CHD9: variants seen among roughly 807,000 people sequenced by gnomAD.
CHD9 encodes the protein chromodomain helicase DNA binding protein 9.
Under a neutral mutation model 316.1 loss-of-function variants are expected in CHD9, and 77 were observed. The observed-to-expected ratio is 0.24, with a 90% confidence interval of 0.20 to 0.29. CHD9 has a LOEUF of 0.29. Among genes scored for constraint, CHD9 ranks in the 10% least tolerant of loss-of-function variants. CHD9 has a pLI of 1.00. For synonymous variants in CHD9, 1,129 were observed against 1,158.3 expected, an observed-to-expected ratio of 0.97 and a Z score of 0.51; for missense variants, 2,763 against 3,438.1, an observed-to-expected ratio of 0.80 and a Z score of 4.91.
chr16:53,307,062 G>A (rs1011509606), intron 32 of CHD9, among the ~76,000 whole-genome samples: 1 of 152,100 alleles, frequency 6.6e-6, no homozygotes, highest in African/African-American at 2.4e-5. Context: ...TTACAGGTGT[G>A]AGCCAGTGCA....
chr16:53,282,385 C>A (rs963745606), intron 24 of CHD9, among the ~76,000 whole-genome samples: 1 of 152,150 alleles, frequency 6.6e-6, no homozygotes, highest in African/African-American at 2.4e-5. Flanking sequence ...GCAAGTGGAT[C>A]AGTTGAGCCC....
rs2056109282 is a variant in CHD9 at position 53,307,702 on chromosome 16, T to C, written c.6802T>C (p.Leu2268=). Residue 2268 remains leucine (L), a synonymous_variant, in exon 33 of 39, where the codon TTG becomes CTG. Coordinates refer to ENST00000447540, the MANE Select transcript of CHD9 (RefSeq NM_001308319.2). Reference sequence around the variant, plus strand: ...CTAGGATCGTGTGATGATCAATAGGTTGGACAGTATTTGTCAAACAGTTCT... The same window carrying C: ...CTAGGATCGTGTGATGATCAATAGGCTGGACAGTATTTGTCAAACAGTTCT... ...WPKDRVMINR[L]DSICQTVLKG... 6.2e-7 allele frequency: 1 copy of C among 1,609,956 alleles called. No individual in the cohort carries two copies. The highest frequency in any genetic ancestry group is 2.2e-5 in the East Asian group (1 of 44,790).
intron 18 of CHD9, among the ~76,000 whole-genome samples, chr16:53,255,268 C>T (rs986401146): frequency 2.0e-5 from 3 of 151,882 alleles, no homozygotes; most frequent in African/African-American, 7.3e-5. Flanking sequence ...GTGTTTACAC[C>T]ACTGCACTCT....
At chr16:53,108,555 G>GATAA (rs1359519675) in intron 1 of CHD9, among the ~76,000 whole-genome samples, 5 of 146,944 alleles carry the variant, frequency 3.4e-5, no homozygotes, top group Admixed American at 2.0e-4. Context: ...TAGATAGATA[G>GATAA]ATAGATGCAG....
intron 1 of CHD9, among the ~76,000 whole-genome samples, chr16:53,070,159 G>T (rs905482511): frequency 5.9e-5 from 9 of 151,976 alleles, no homozygotes; most frequent in African/African-American, 2.2e-4. Flanking sequence ...TTGGGTATCA[G>T]TCCCTTACCA....
chr16:53,109,493 CA>C (rs1208109964), intron 1 of CHD9, among the ~76,000 whole-genome samples: 4 of 149,862 alleles, frequency 2.7e-5, no homozygotes, highest in East Asian at 2.0e-4. Context: ...CCACCATGCC[CA>C]GGCTAATTTT....
intron 1 of CHD9, among the ~76,000 whole-genome samples, chr16:53,055,687 G>A (rs933504951): frequency 3.9e-5 from 6 of 152,130 alleles, no homozygotes; most frequent in African/African-American, 1.4e-4. Flanking sequence ...TATTCCTCCA[G>A]TTCGCCCTCC....
intron 1 of CHD9, among the ~76,000 whole-genome samples, chr16:53,103,910 A>C (rs2037101579): frequency 6.6e-6 from 1 of 152,188 alleles, no homozygotes. Context: ...TTGTATATGA[A>C]AAGGGCTGAG....
chr16:53,059,883 T>G (rs1018656055), intron 1 of CHD9, among the ~76,000 whole-genome samples: 20 of 152,198 alleles, frequency 1.3e-4, no homozygotes, highest in Non-Finnish European at 1.5e-5. Flanking sequence ...CTTGTAATGT[T>G]GATGAGAAAC....
chr16:53,092,202 T>C (rs1324907574), intron 1 of CHD9, among the ~76,000 whole-genome samples: 1 of 152,230 alleles, frequency 6.6e-6, no homozygotes, highest in Non-Finnish European at 1.5e-5. Flanking sequence ...AGCCAAGCCC[T>C]GGAGAGCTGC....
At chr16:53,316,202 C>G (rs991655536) in intron 36 of CHD9, among the ~76,000 whole-genome samples, 5 of 152,154 alleles carry the variant, frequency 3.3e-5, no homozygotes, top group Admixed American at 3.3e-4. Flanking sequence ...GTGTGAGCCA[C>G]CACACCTGGC....
intron 38 of CHD9, among the ~76,000 whole-genome samples, chr16:53,322,075 G>A (rs2057311022): frequency 6.7e-6 from 1 of 148,414 alleles, no homozygotes; most frequent in Admixed American, 6.8e-5. Flanking sequence ...TTGGCTCACT[G>A]CAACCTTCGC....
chr16:53,073,714 A>G (rs1047142797), intron 1 of CHD9, among the ~76,000 whole-genome samples: 1 of 152,194 alleles, frequency 6.6e-6, no homozygotes, highest in African/African-American at 2.4e-5. Context: ...TTGCTTTTGC[A>G]TCTTTCTCAT....
intron 12 of CHD9, among the ~76,000 whole-genome samples, chr16:53,241,234 A>T (rs1410482251): frequency 6.6e-6 from 1 of 152,094 alleles, no homozygotes; most frequent in African/African-American, 2.4e-5. Flanking sequence ...CTGTTTAAAC[A>T]CTCTCTTCAC....
At chr16:53,263,860 A>G (rs2051383412) in intron 20 of CHD9, among the ~76,000 whole-genome samples, 1 of 152,166 alleles carries the variant, frequency 6.6e-6, no homozygotes, top group Non-Finnish European at 1.5e-5. Context: ...TATTATTGGC[A>G]TATGGCATGT....
At chr16:53,143,828 A>C (rs1367957607) in intron 1 of CHD9, among the ~76,000 whole-genome samples, 1 of 152,164 alleles carries the variant, frequency 6.6e-6, no homozygotes, top group African/African-American at 2.4e-5. Flanking sequence ...GCTGGGACTC[A>C]TGCTGTTACA....
chr16:53,319,698 G>A (rs1293275973), intron 37 of CHD9: 1 of 383,862 alleles, frequency 2.6e-6, no homozygotes. Flanking sequence ...TTTACCTGTT[G>A]GGTTTGATAT....
chr16:53,202,810 C>G (rs1175481387), intron 2 of CHD9, among the ~76,000 whole-genome samples: 2 of 151,788 alleles, frequency 1.3e-5, no homozygotes, highest in Non-Finnish European at 2.9e-5. Flanking sequence ...AAATTGTAAA[C>G]CTGGGTACTA....
chr16:53,284,326 C>G (rs968583075), intron 24 of CHD9, among the ~76,000 whole-genome samples: 1 of 151,050 alleles, frequency 6.6e-6, no homozygotes, highest in Non-Finnish European at 1.5e-5. Flanking sequence ...TATCCATTGT[C>G]AAATATAAGA....
Sources: gnomAD v4.1 joint callset for allele counts (sites outside exome capture counted in the v4.1 genomes callset) on GRCh38, gnomAD v4.1.1 for gene constraint, MANE v1.5 for transcripts, NCBI Gene and HGNC (gene_info 2026-07-23, HGNC 2026-07-21) for gene names.